SPATA6: variants seen among roughly 807,000 people sequenced by gnomAD.
SPATA6 encodes spermatogenesis associated 6.
SPATA6 carries 56 observed loss-of-function variants against 65.3 expected under a neutral mutation model. The observed-to-expected ratio is 0.86, with a 90% CI of 0.69 to 1.07. The LOEUF is 1.07. Ranked by LOEUF, SPATA6 falls within the 50% of genes least tolerant of loss-of-function variation. SPATA6 has a pLI of 0.00. For synonymous variants in SPATA6, 199 were observed against 213.2 expected, an observed-to-expected ratio of 0.93 and a Z score of 0.58; for missense variants, 590 against 594.8, an observed-to-expected ratio of 0.99 and a Z score of 0.08.
At position 48,437,137 on chromosome 1, in the gene SPATA6, C is replaced by A. The variant is rs1655012040; in HGVS notation, c.238+14415G>T. ...ACGGTTGCCTCCTGCTTATAACAAG[C>A]CATCAATACCATTGCCTCCAGTGTT... On this transcript the variant is annotated intron_variant, in intron 3 of 12. Transcript: ENST00000371847. 10 of 1,599,602 alleles carry A rather than the reference C, an allele frequency of 6.3e-6. No individual in the cohort carries two copies. In the South Asian group the frequency reaches 1.1e-4, roughly 18 times the overall value.
intron 11 of SPATA6, chr1:48,325,480 C>T: frequency 8.4e-7 from 1 of 1,189,956 alleles, no homozygotes; most frequent in Non-Finnish European, 1.3e-6. Context: ...ACTGAGGGAT[C>T]CACATTCTCT....
chr1:48,445,657 CTCAAAAAA>C (rs1655971974), intron 3 of SPATA6, among the ~76,000 whole-genome samples: 1 of 38,526 alleles, frequency 2.6e-5, no homozygotes, highest in Non-Finnish European at 3.9e-5. Flanking sequence ...GAGACTCTGT[CTCAAAAAA>C]AAAAAAAAAA....
intron 1 of SPATA6, among the ~76,000 whole-genome samples, chr1:48,459,412 G>C (rs1191298783): frequency 6.6e-6 from 1 of 151,968 alleles, no homozygotes; most frequent in Non-Finnish European, 1.5e-5. Flanking sequence ...ATTTCATATT[G>C]ATTAAAAGTT....
chr1:48,344,102 G>A (rs374167029), intron 11 of SPATA6: 1 of 151,990 alleles, frequency 6.6e-6, no homozygotes, highest in Non-Finnish European at 1.5e-5. Context: ...GTATAAAAAA[G>A]TCAATATACG....
chr1:48,454,363 G>A lies in SPATA6; in HGVS notation c.52-1232C>T, dbSNP rs115512674. ...ATAATGTAACATAATATAATACAAC[G>A]TAAGGAGCAGTAACTCCTTACTACT... On this transcript the variant is annotated intron_variant, in intron 1 of 12. Coordinates refer to ENST00000371847, the MANE Select transcript of SPATA6 (RefSeq NM_019073.4). 1.8e-3 allele frequency among the ~76,000 whole-genome samples: 281 copies of A among 151,912 alleles called. 3 individuals are homozygous for A. The highest frequency in any genetic ancestry group is 6.4e-3 in the African/African-American group (267 of 41,452).
At chr1:48,389,051 G>T (rs1239666016) in intron 8 of SPATA6, among the ~76,000 whole-genome samples, 2 of 151,916 alleles carry the variant, frequency 1.3e-5, no homozygotes, top group Admixed American at 6.6e-5. Context: ...CACCATGTTG[G>T]CCAGGCTGGT....
At chr1:48,465,309 C>T (rs182581495) in intron 1 of SPATA6, among the ~76,000 whole-genome samples, 1 of 152,232 alleles carries the variant, frequency 6.6e-6, no homozygotes, top group African/African-American at 2.4e-5. Context: ...GAGCACCGTT[C>T]TGCTGACACT....
At chr1:48,354,682 T>C (rs577737959) in intron 11 of SPATA6, among the ~76,000 whole-genome samples, 5 of 152,236 alleles carry the variant, frequency 3.3e-5, no homozygotes, top group African/African-American at 1.2e-4. Context: ...TAGGATGTCA[T>C]TTATATAAAG....
intron 5 of SPATA6, among the ~76,000 whole-genome samples, chr1:48,408,688 C>T (rs1283988807): frequency 6.6e-6 from 1 of 152,166 alleles, no homozygotes; most frequent in African/African-American, 2.4e-5. Context: ...AAGAGGTTTA[C>T]TGGACTTACA....
At chr1:48,269,022 TAC>T in the SPATA6 span, among the ~76,000 whole-genome samples, 1 of 152,170 alleles carries the variant, frequency 6.6e-6, no homozygotes, top group African/African-American at 2.4e-5. Flanking sequence ...ATTCCCACAT[TAC>T]AGACTCTAAG....
chr1:48,306,566 T>A (rs1645067339), intron 11 of SPATA6, among the ~76,000 whole-genome samples: 1 of 151,968 alleles, frequency 6.6e-6, no homozygotes, highest in South Asian at 2.1e-4. Context: ...ATACCAAATA[T>A]CTTTTTCAAC....
chr1:48,361,213 C>T (rs1324354109), intron 9 of SPATA6, among the ~76,000 whole-genome samples: 2 of 151,966 alleles, frequency 1.3e-5, no homozygotes, highest in Non-Finnish European at 2.9e-5. Context: ...CCTGGGAATA[C>T]TCCAATATTT....
At chr1:48,446,256 C>T (rs1279825774) in intron 3 of SPATA6, among the ~76,000 whole-genome samples, 2 of 152,188 alleles carry the variant, frequency 1.3e-5, no homozygotes, top group Admixed American at 1.3e-4. Context: ...AATCACTCTA[C>T]TGCCGTGCCA....
intron 11 of SPATA6, among the ~76,000 whole-genome samples, chr1:48,320,834 T>A (rs1391880976): frequency 2.6e-5 from 4 of 152,012 alleles, no homozygotes; most frequent in African/African-American, 9.7e-5. Flanking sequence ...TAAAGTAAGA[T>A]AAAAATAGGA....
chr1:48,384,356 G>C (rs61774374), intron 9 of SPATA6, among the ~76,000 whole-genome samples: 973 of 3,178 alleles, frequency 0.31, 58 homozygotes, highest in African/African-American at 0.36. Flanking sequence ...GGGACAGGGA[G>C]AGGGAGAGGG....
the SPATA6 span, among the ~76,000 whole-genome samples, chr1:48,274,901 T>G: frequency 6.6e-6 from 1 of 152,212 alleles, no homozygotes; most frequent in Non-Finnish European, 1.5e-5. Context: ...TTGATGGGGA[T>G]AGCATCGAAT....
chr1:48,462,869 A>T (rs1409403743), intron 1 of SPATA6, among the ~76,000 whole-genome samples: 3 of 152,224 alleles, frequency 2.0e-5, no homozygotes, highest in Non-Finnish European at 2.9e-5. Flanking sequence ...ATAAGAGATT[A>T]GTATTTGAAT....
At chr1:48,392,998 T>G (rs1385552872) in intron 8 of SPATA6, among the ~76,000 whole-genome samples, 2 of 151,876 alleles carry the variant, frequency 1.3e-5, no homozygotes, top group Non-Finnish European at 2.9e-5. Flanking sequence ...AGTTATTAAA[T>G]GTACAAAGAA....
At chr1:48,390,250 A>C (rs1649911799) in intron 8 of SPATA6, among the ~76,000 whole-genome samples, 1 of 152,218 alleles carries the variant, frequency 6.6e-6, no homozygotes. Context: ...AAAATTAATG[A>C]TATCATGTCA....
Sources: allele counts gnomAD v4.1 joint callset (sites outside exome capture counted in the v4.1 genomes callset), GRCh38; gene constraint gnomAD v4.1.1; transcripts MANE v1.5; gene names NCBI Gene and HGNC (gene_info 2026-07-23, HGNC 2026-07-21).